Variants in QPCT observed in about 807,000 individuals in gnomAD.
QPCT encodes glutaminyl-peptide cyclotransferase.
In QPCT, 44 loss-of-function variants were observed where a neutral mutation model predicts 43.4. The observed-to-expected ratio is 1.01, with a 90% CI of 0.80 to 1.30. The LOEUF (loss-of-function observed/expected upper bound fraction) is 1.30, where lower values mean the gene tolerates loss of function less well. Ranked by LOEUF, QPCT falls within the 50% of genes most tolerant of loss-of-function variation. The pLI is 0.00. For synonymous variants in QPCT, 168 were observed against 168.4 expected (o/e 1.00, Z 0.02); for missense variants, 526 against 436.5 (o/e 1.21, Z -1.83).
At chr2:37,367,477 C>T (rs565818927) in intron 4 of QPCT, 69 bp downstream of exon 4, 1 of 1,470,556 alleles carries the variant, frequency 6.8e-7, no homozygotes, top group African/African-American at 1.4e-5. Context: ...TTGCAAAAGC[C>T]AAGTAAAGAC....
intron 3 of QPCT, among the ~76,000 whole-genome samples, chr2:37,365,109 AC>A (rs2124940608): frequency 6.6e-6 from 1 of 151,754 alleles, no homozygotes; most frequent in Admixed American, 6.6e-5. Flanking sequence ...GACAACACAC[AC>A]ATACCCACAC....
chr2:37,355,738 A>G (rs1396645901), intron 2 of QPCT, among the ~76,000 whole-genome samples: 2 of 152,188 alleles, frequency 1.3e-5, no homozygotes, highest in Non-Finnish European at 2.9e-5. Flanking sequence ...ATTTGGGGCT[A>G]TTTCATTGAT....
At position 37,351,228 on chromosome 2, in the gene QPCT, T is replaced by A. The variant is rs1309708187; in HGVS notation, c.121-1561T>A. ...AAGGAACTATAAAATAGGCCTCTCC[T>A]AATTTCTGTTTTGCCTTCCAAATAA... On this transcript the variant is annotated intron_variant, in intron 1 of 6. Transcript: ENST00000338415. 2.6e-5 allele frequency among the ~76,000 whole-genome samples: 4 copies of A among 152,272 alleles called. No individual in the cohort carries two copies. In the East Asian group the frequency reaches 7.7e-4, roughly 29 times the overall value.
At chr2:37,370,616 A>G (rs755145433) in intron 5 of QPCT, among the ~76,000 whole-genome samples, 11 of 151,994 alleles carry the variant, frequency 7.2e-5, no homozygotes, top group Admixed American at 2.0e-4. Flanking sequence ...GTCTCTGCCA[A>G]TTTTCCAAAG....
Position 37,372,368 on chromosome 2 carries a change from A to C in QPCT, c.836A>C (p.His279Pro), listed in dbSNP as rs1334569556. Reference protein sequence around the residue: ...ERLQAIEHELHELGLLKDHSL... With the variant: ...ERLQAIEHELPELGLLKDHSL... ...TTGTCATCTACAGAACATGAACTTC[A>C]TGAATTGGGTTTGCTCAAGGATCAC... is the stretch of plus-strand genomic sequence containing the variant. The change falls in exon 6 of 7, where the codon CAT becomes CCT. Residue 279 changes from histidine to proline, a missense_variant. By Grantham distance (77) the His-to-Pro change is moderately conservative (BLOSUM62 -2). Coordinates refer to ENST00000338415, the MANE Select transcript of QPCT (RefSeq NM_012413.4). The C allele has an allele frequency of 1.7e-5, 27 of 1,612,494 alleles. No individual in the cohort carries two copies. Among genetic ancestry groups the C allele is most frequent in the Non-Finnish European group, 2.3e-5 (27 of 1,178,628 alleles).
chr2:37,360,401 T>C (rs1672838680), intron 3 of QPCT, among the ~76,000 whole-genome samples: 1 of 152,218 alleles, frequency 6.6e-6, no homozygotes, highest in African/African-American at 2.4e-5. Flanking sequence ...TAGCAGAGCT[T>C]TTGTTATGCT....
Position 37,359,474 on chromosome 2 carries a change from A to G in QPCT, c.268-106A>G, listed in dbSNP as rs568630214. 74 of 1,011,144 alleles carry G rather than the reference A, an allele frequency of 7.3e-5. No homozygotes were observed. The South Asian group carries it at 1.2e-3, about 16-fold the overall frequency. 62.6% of individuals were successfully genotyped at this position (1,011,144 alleles called of 1,614,324 possible). A position where few individuals can be genotyped will look rare whatever the true frequency, so the allele number is the denominator to read the frequency against. ...ATTGCTATGAATTCATTAAGTGTGT[A>G]TTCCAATTTTAATTTGAAAGGCACT... On this transcript the variant is annotated intron_variant, in intron 2 of 6. Transcript: ENST00000338415.
chr2:37,348,325 G>A (rs1273754639), intron 1 of QPCT, among the ~76,000 whole-genome samples: 1 of 152,018 alleles, frequency 6.6e-6, no homozygotes, highest in African/African-American at 2.4e-5. Context: ...GTTAAAGCCC[G>A]CACGGCTCTG....
At chr2:37,356,006 G>A (rs1672737373) in intron 2 of QPCT, among the ~76,000 whole-genome samples, 1 of 152,152 alleles carries the variant, frequency 6.6e-6, no homozygotes, top group Non-Finnish European at 1.5e-5. Context: ...AGGTACCCGA[G>A]TCTTCAGGTG....
intron 1 of QPCT, among the ~76,000 whole-genome samples, chr2:37,351,330 G>A (rs1459481063): frequency 6.6e-6 from 1 of 152,190 alleles, no homozygotes; most frequent in Non-Finnish European, 1.5e-5. Flanking sequence ...TCCTGTTGAG[G>A]AGGAGTAACA....
intron 1 of QPCT, among the ~76,000 whole-genome samples, chr2:37,351,273 C>A (rs1280235455): frequency 6.6e-6 from 1 of 152,156 alleles, no homozygotes; most frequent in African/African-American, 2.4e-5. Context: ...CTTATGTCAT[C>A]CTCATCCTTC....
chr2:37,356,990 AGTGAGACTCC>A (rs1160792041), intron 2 of QPCT, among the ~76,000 whole-genome samples: 1 of 148,048 alleles, frequency 6.8e-6, no homozygotes, highest in Non-Finnish European at 1.5e-5. Context: ...CTGGCGACAG[AGTGAGACTCC>A]GTCTCAAAAA....
At chr2:37,353,212 G>A (rs1314114718) in intron 2 of QPCT, among the ~76,000 whole-genome samples, 1 of 152,150 alleles carries the variant, frequency 6.6e-6, no homozygotes, top group Admixed American at 6.5e-5. Flanking sequence ...ACACCCCGAG[G>A]CTCCCAATTA....
chr2:37,359,559 T>C (rs757494224), intron 2 of QPCT, 21 bp from the exon 3 acceptor site: 1 of 1,579,572 alleles, frequency 6.3e-7, no homozygotes, highest in South Asian at 1.2e-5. Context: ...TCTAAATTTT[T>C]TGTTTTTTTG....
intron 1 of QPCT, among the ~76,000 whole-genome samples, chr2:37,349,170 C>G (rs771248287): frequency 4.6e-5 from 7 of 152,132 alleles, no homozygotes; most frequent in Non-Finnish European, 1.0e-4. Context: ...GCTTTTAGCT[C>G]TGGGATTTTA....
chr2:37,356,261 C>G (rs1672743071), intron 2 of QPCT, among the ~76,000 whole-genome samples: 2 of 152,088 alleles, frequency 1.3e-5, no homozygotes, highest in Admixed American at 1.3e-4. Context: ...ATGTCTTCAT[C>G]TTTGTATTTT....
chr2:37,346,045 A>T (rs1280058859), intron 1 of QPCT, among the ~76,000 whole-genome samples: 1 of 152,202 alleles, frequency 6.6e-6, no homozygotes, highest in Non-Finnish European at 1.5e-5. Context: ...TATTGAGCAG[A>T]CCTTTTACAC....
In QPCT at chr2:37,369,804, A is replaced by G; in HGVS notation, c.823+20A>G. ...CAATTGGTAAGCACCACTGTTATTA[A>G]TGAATAAAACATCATTTCTTGCTAC... On this transcript the variant is annotated intron_variant, in intron 5 of 6. Coordinates refer to ENST00000338415, the MANE Select transcript of QPCT (RefSeq NM_012413.4). 6.6e-7 allele frequency: 1 copy of G among 1,517,152 alleles called. No individual in the cohort carries two copies. The highest frequency in any genetic ancestry group is 9.2e-7 in the Non-Finnish European group (1 of 1,092,164). The allele number at this position is 1,517,152 out of a possible 1,614,324, so 94.0% of individuals were successfully genotyped here. A position where few individuals can be genotyped will look rare whatever the true frequency, so the allele number is the denominator to read the frequency against.
intron 1 of QPCT, among the ~76,000 whole-genome samples, chr2:37,345,767 C>A (rs1672473995): frequency 6.9e-6 from 1 of 144,120 alleles, no homozygotes; most frequent in African/African-American, 2.6e-5. Flanking sequence ...ACCCGGGGGG[C>A]GGAGCTTGCA....
Sources: allele counts gnomAD v4.1 joint callset (sites outside exome capture counted in the v4.1 genomes callset), GRCh38; gene constraint gnomAD v4.1.1; transcripts MANE v1.5; gene names NCBI Gene and HGNC (gene_info 2026-07-23, HGNC 2026-07-21).